RORA: variants seen among roughly 807,000 people sequenced by gnomAD.
RORA encodes nuclear receptor ROR-alpha.
Under a neutral mutation model 69.5 loss-of-function variants are expected in RORA, and 7 were observed. That is an observed-to-expected ratio of 0.10 (90% CI 0.06 to 0.19). The LOEUF is 0.19. Among genes scored for constraint, RORA ranks in the 10% least tolerant of loss-of-function variants. The probability of loss-of-function intolerance (pLI) is 1.00; values close to 1 mark genes in which losing one functional copy is unlikely to be tolerated. For missense variants in RORA, 457 were observed against 663.0 expected, an observed-to-expected ratio of 0.69 and a Z score of 3.41; for synonymous variants, 261 against 240.8, an observed-to-expected ratio of 1.08 and a Z score of -0.78.
chr15:61,174,247 G>A (rs139333924), intron 1 of RORA, among the ~76,000 whole-genome samples: 9 of 152,206 alleles, frequency 5.9e-5, no homozygotes, highest in African/African-American at 1.4e-4. Context: ...AATCTGTCAC[G>A]TCCCCCCTGC....
At chr15:60,843,909 T>C (rs1370584515) in intron 1 of RORA, among the ~76,000 whole-genome samples, 1 of 152,232 alleles carries the variant, frequency 6.6e-6, no homozygotes, top group Non-Finnish European at 1.5e-5. Context: ...TCAGCTGGGC[T>C]GGCCCATCTT....
chr15:60,723,917 C>T (rs1185587807), intron 1 of RORA, among the ~76,000 whole-genome samples: 1 of 152,162 alleles, frequency 6.6e-6, no homozygotes, highest in African/African-American at 2.4e-5. Flanking sequence ...CAAGATGGAT[C>T]TGTGTGGCAC....
chr15:60,922,916 C>T (rs1441463008), intron 1 of RORA, among the ~76,000 whole-genome samples: 3 of 152,186 alleles, frequency 2.0e-5, no homozygotes, highest in Non-Finnish European at 4.4e-5. Context: ...TATTGTCACA[C>T]ATATATGCAG....
intron 1 of RORA, among the ~76,000 whole-genome samples, chr15:60,822,365 C>T (rs556949693): frequency 7.2e-4 from 109 of 152,294 alleles, no homozygotes; most frequent in African/African-American, 2.6e-3. Context: ...AACACAGACC[C>T]ATGAGCCAGC....
At chr15:60,505,336 G>C (rs16942642) in intron 6 of RORA, among the ~76,000 whole-genome samples, 172 bp downstream of exon 6, 8,165 of 152,256 alleles carry the variant, frequency 0.054, 759 homozygotes, top group African/African-American at 0.19. Flanking sequence ...TTTTGCATCT[G>C]AGTTAAATGG....
In RORA at chr15:60,723,407, T is replaced by C. The variant is rs536849900; in HGVS notation, c.167-44721A>G. Among the ~76,000 whole-genome samples the C allele has an allele frequency of 4.6e-4, 67 of 146,394 alleles. No homozygotes were observed. In the South Asian group the frequency reaches 6.1e-3, roughly 13 times the overall value. On this transcript the variant is annotated intron_variant, in intron 1 of 10. Coordinates refer to ENST00000335670, the MANE Select transcript of RORA (RefSeq NM_134261.3). ...CCCCCACTCACATAAAATGGCCATG[T>C]TCTTTGAAAATTTGTGGAAAATTAC...
At chr15:60,923,623 T>C (rs1469443259) in intron 1 of RORA, among the ~76,000 whole-genome samples, 1 of 152,248 alleles carries the variant, frequency 6.6e-6, no homozygotes, top group African/African-American at 2.4e-5. Context: ...GCTTACTTAC[T>C]GCTTTGCTGT....
Position 61,082,887 on chromosome 15 carries a change from T to C in RORA, c.166+146166A>G, listed in dbSNP as rs143896476. Among the ~76,000 whole-genome samples, 527 of 152,278 alleles carry C rather than the reference T, an allele frequency of 3.5e-3. 4 individuals carry two copies. Among genetic ancestry groups the C allele is most frequent in the African/African-American group, 0.012 (496 of 41,536 alleles). ...ACTGAGAAAGAATTGGAGAGTGTTG[T>C]CCTCAGTAGAAGCTTAGAAAGCTTC... On this transcript the variant is annotated intron_variant, in intron 1 of 10. Transcript: ENST00000335670.
At chr15:60,533,119 T>C (rs540405803) in intron 2 of RORA, among the ~76,000 whole-genome samples, 2 of 152,346 alleles carry the variant, frequency 1.3e-5, no homozygotes, top group East Asian at 1.9e-4. Flanking sequence ...CATGAAACTA[T>C]TGGATTTAAC....
intron 1 of RORA, among the ~76,000 whole-genome samples, chr15:60,935,868 C>T (rs1414552010): frequency 6.6e-6 from 1 of 152,206 alleles, no homozygotes; most frequent in Non-Finnish European, 1.5e-5. Context: ...TGTATCTTCC[C>T]AAAAGTTAGC....
At chr15:60,887,665 G>A (rs1359133189) in intron 1 of RORA, among the ~76,000 whole-genome samples, 2 of 152,214 alleles carry the variant, frequency 1.3e-5, no homozygotes, top group African/African-American at 2.4e-5. Context: ...AGAATGGAGG[G>A]AAGGGGTTTT....
At chr15:61,113,166 C>T (rs1216568640) in intron 1 of RORA, among the ~76,000 whole-genome samples, 1 of 152,240 alleles carries the variant, frequency 6.6e-6, no homozygotes, top group Non-Finnish European at 1.5e-5. Flanking sequence ...GCCTCTGGCT[C>T]ATTAAATGCA....
rs541211696 is a variant in RORA at position 61,001,874 on chromosome 15, G to A, written c.166+227179C>T. ...GGGGCATTTAAACCAAGAACAGAAC[G>A]ACAAGAAAGGCACAGTCATACAAAG... On this transcript the variant is annotated intron_variant, in intron 1 of 10. Transcript: ENST00000335670. Among the ~76,000 whole-genome samples, 359 of 152,296 alleles carry A rather than the reference G, an allele frequency of 2.4e-3. 4 individuals carry two copies. The highest frequency in any genetic ancestry group is 8.3e-3 in the African/African-American group (343 of 41,562).
chr15:61,160,242 T>C (rs13329649), intron 1 of RORA, among the ~76,000 whole-genome samples: 8,115 of 152,270 alleles, frequency 0.053, 751 homozygotes, highest in African/African-American at 0.19. Context: ...TGCATAAACC[T>C]GCTTCCATTA....
chr15:61,053,594 A>G (rs1424017397), intron 1 of RORA, among the ~76,000 whole-genome samples: 1 of 151,950 alleles, frequency 6.6e-6, no homozygotes, highest in East Asian at 1.9e-4. Context: ...CTGGATCTGG[A>G]TCTGGTGTCC....
rs1331835078 is a variant in RORA, at chr15:61,184,158, C to A, written c.166+44895G>T. Among the ~76,000 whole-genome samples the A allele has an allele frequency of 2.0e-5, 3 of 152,182 alleles. No homozygotes were observed. In the East Asian group the frequency reaches 5.8e-4, roughly 29 times the overall value. On this transcript the variant is annotated intron_variant, in intron 1 of 10. Coordinates refer to ENST00000335670, the MANE Select transcript of RORA (RefSeq NM_134261.3). ...CATTGCACTGCATTTCACAATTTTG[C>A]CCCATCTTCCCATTCCATAAGTTAA...
At chr15:61,086,745 T>C (rs1417817850) in intron 1 of RORA, among the ~76,000 whole-genome samples, 2 of 152,174 alleles carry the variant, frequency 1.3e-5, no homozygotes, top group Non-Finnish European at 2.9e-5. Flanking sequence ...TTTCTTTGAA[T>C]TGGGGGCTAG....
chr15:60,557,034 C>CA lies in RORA; in HGVS notation c.197-25184dup. 4.7e-6 allele frequency: 4 copies of CA among 847,914 alleles called. 1 individual carries two copies. In the South Asian group the frequency reaches 5.0e-5, roughly 11 times the overall value. 52.5% of individuals were successfully genotyped at this position (847,914 alleles called of 1,614,324 possible). On this transcript the variant is annotated intron_variant, in intron 2 of 10. Coordinates refer to ENST00000335670, the MANE Select transcript of RORA (RefSeq NM_134261.3). ...AAATGCTTGAACAGCAATAAGTACCCAAAAAAGTACTGTTTAGGTAGCCAA... is the reference window on the plus strand; with the variant it reads ...AAATGCTTGAACAGCAATAAGTACCCAAAAAAAGTACTGTTTAGGTAGCCAA...
chr15:60,902,324 G>T (rs1443327106), intron 1 of RORA, among the ~76,000 whole-genome samples: 1 of 151,788 alleles, frequency 6.6e-6, no homozygotes, highest in Admixed American at 6.6e-5. Context: ...AAGCTTACCA[G>T]GTGATCCTTC....
Sources: gnomAD v4.1 joint callset for allele counts (sites outside exome capture counted in the v4.1 genomes callset) on GRCh38, gnomAD v4.1.1 for gene constraint, MANE v1.5 for transcripts, NCBI Gene and HGNC (gene_info 2026-07-23, HGNC 2026-07-21) for gene names.